Variants in CLIC5 observed in about 807,000 individuals in gnomAD.
CLIC5 encodes CLIC family member 5, also known as chloride intracellular channel protein 5.
A neutral mutation model predicts 24.7 loss-of-function variants in CLIC5; 20 were observed. That is an observed-to-expected ratio of 0.81 (90% CI 0.57 to 1.18). The LOEUF is 1.18. CLIC5 is among the 50% of genes most tolerant of loss of function. The pLI is 0.00. For missense variants in CLIC5, 341 were observed against 326.1 expected (o/e 1.05, Z -0.35); for synonymous variants, 159 against 135.6 (o/e 1.17, Z -1.20).
the CLIC5 span, among the ~76,000 whole-genome samples, chr6:46,126,604 T>G: frequency 6.6e-6 from 1 of 152,218 alleles, no homozygotes; most frequent in African/African-American, 2.4e-5. Context: ...AAAGGAACTT[T>G]CAAAATCACT....
In CLIC5 at chr6:45,944,407, G is replaced by A. The variant is rs533110288; in HGVS notation, c.300-2754C>T. Among the ~76,000 whole-genome samples the A allele has an allele frequency of 5.9e-5, 9 of 152,108 alleles. No homozygotes were observed. The South Asian group carries it at 1.7e-3, about 28-fold the overall frequency. On this transcript the variant is annotated intron_variant, in intron 3 of 5. Transcript: ENST00000339561. Reference sequence around the variant, plus strand: ...AGGGCCCACAAAGCCAAAAATACATGACTATCTGACCTTTTACAGATAAAG... The same window carrying A: ...AGGGCCCACAAAGCCAAAAATACATAACTATCTGACCTTTTACAGATAAAG...
At chr6:45,999,732 GTT>G (rs1201850451) in intron 1 of CLIC5, among the ~76,000 whole-genome samples, 2 of 50,846 alleles carry the variant, frequency 3.9e-5, no homozygotes, top group African/African-American at 1.9e-4. Flanking sequence ...CTTCCTTGTG[GTT>G]TTTTTTTTTT....
intron 4 of CLIC5, chr6:45,932,910 G>A (rs1046224998): frequency 6.6e-5 from 10 of 152,144 alleles, no homozygotes; most frequent in African/African-American, 2.4e-4. Context: ...GAGAGAGGCA[G>A]GATGACAGTC....
At chr6:46,080,171 C>G in exon 1 of CLIC5, 30 of 1,551,678 alleles carry the variant, frequency 1.9e-5, no homozygotes, top group Non-Finnish European at 2.6e-5. Flanking sequence ...TTTCTTCTGG[C>G]TGGTCTGGAA....
intron 1 of CLIC5, among the ~76,000 whole-genome samples, chr6:46,032,381 G>A (rs1286473177): frequency 2.8e-4 from 43 of 152,224 alleles, no homozygotes; most frequent in Non-Finnish European, 7.3e-5. Flanking sequence ...GTGGTGACAC[G>A]AATCCAAACC....
chr6:46,119,878 G>A, the CLIC5 span, among the ~76,000 whole-genome samples: 1 of 152,248 alleles, frequency 6.6e-6, no homozygotes, highest in Non-Finnish European at 1.5e-5. Flanking sequence ...CAGCAGCGAG[G>A]GTGGGGGAGG....
At chr6:45,967,572 A>C (rs1204336) in intron 1 of CLIC5, among the ~76,000 whole-genome samples, 71,581 of 152,082 alleles carry the variant, frequency 0.47, 18,034 homozygotes, top group East Asian at 0.79. Context: ...GGCTGGATTG[A>C]ACAATGCAGG....
intron 1 of CLIC5, among the ~76,000 whole-genome samples, chr6:45,977,654 T>C (rs1433492921): frequency 6.6e-6 from 1 of 152,078 alleles, no homozygotes; most frequent in Non-Finnish European, 1.5e-5. Context: ...CCCTCCCCTC[T>C]AGGCAAACAG....
intron 1 of CLIC5, among the ~76,000 whole-genome samples, chr6:46,057,598 C>T (rs543343775): frequency 2.4e-4 from 36 of 152,334 alleles, no homozygotes; most frequent in Admixed American, 7.2e-4. Context: ...TCCCCATTAC[C>T]TACAAGGTAA....
intron 1 of CLIC5, among the ~76,000 whole-genome samples, chr6:46,035,796 G>GT (rs1220293048): frequency 2.0e-5 from 3 of 151,782 alleles, no homozygotes; most frequent in African/African-American, 4.8e-5. Context: ...CCAGGCTGGA[G>GT]TGCAGTGGTG....
rs540433069 is a variant in CLIC5, at chr6:45,985,591, G to A, written c.63+29889C>T. ...TCACCACTCTGCTTGGGGCCTGGAG[G>A]CTGACAGTGGGAATAGCATCAAGGG... On this transcript the variant is annotated intron_variant, in intron 1 of 5. Coordinates refer to ENST00000339561, the MANE Select transcript of CLIC5 (RefSeq NM_016929.5). Among the ~76,000 whole-genome samples the A allele has an allele frequency of 2.0e-5, 3 of 152,094 alleles. No homozygotes were observed. The East Asian group carries it at 5.8e-4, about 30-fold the overall frequency.
At chr6:45,986,558 G>A (rs1254748057) in intron 1 of CLIC5, among the ~76,000 whole-genome samples, 1 of 152,164 alleles carries the variant, frequency 6.6e-6, no homozygotes, top group Non-Finnish European at 1.5e-5. Flanking sequence ...GGTCAAGAAG[G>A]ACACAGCCAG....
In CLIC5 at chr6:45,949,325, A is replaced by T; in HGVS notation, c.230T>A (p.Phe77Tyr). The change falls in exon 3 of 6, where the codon TTC (phenylalanine) becomes TAC (tyrosine). Residue 77 changes from phenylalanine to tyrosine, a missense_variant. Physicochemically the swap from Phe to Tyr is conservative, Grantham distance 22. Transcript: ENST00000339561. ...APGTHPPFLTFNGDVKTDVNK... is the reference protein window; with the variant it reads ...APGTHPPFLTYNGDVKTDVNK... Reference sequence around the variant, plus strand: ...GACGTCTGTCTTCACGTCCCCGTTGAAGGTCAGGAAGGGCGGGTGCGTGCC... The same window carrying T: ...GACGTCTGTCTTCACGTCCCCGTTGTAGGTCAGGAAGGGCGGGTGCGTGCC... 6.2e-7 allele frequency: 1 copy of T among 1,614,000 alleles called. No homozygotes were observed. The highest frequency in any genetic ancestry group is 8.5e-7 in the Non-Finnish European group (1 of 1,179,910).
the CLIC5 span, among the ~76,000 whole-genome samples, chr6:46,106,882 C>G: frequency 6.6e-6 from 1 of 152,190 alleles, no homozygotes; most frequent in Non-Finnish European, 1.5e-5. Context: ...TACAAAGGTA[C>G]AGTTTGAATC....
the CLIC5 span, among the ~76,000 whole-genome samples, chr6:46,096,008 C>G: frequency 6.6e-6 from 1 of 152,218 alleles, no homozygotes; most frequent in Admixed American, 6.5e-5. Context: ...ACTCACTGCT[C>G]TACAATATAT....
At chr6:45,889,049 G>T (rs942117962) in intron 6 of CLIC5, among the ~76,000 whole-genome samples, 1 of 152,180 alleles carries the variant, frequency 6.6e-6, no homozygotes, top group East Asian at 1.9e-4. Context: ...GGAATGGGAG[G>T]TGATCCCTAT....
At chr6:46,124,216 C>T in the CLIC5 span, among the ~76,000 whole-genome samples, 55 of 152,172 alleles carry the variant, frequency 3.6e-4, no homozygotes, top group South Asian at 8.9e-3. Flanking sequence ...AACAGCATGG[C>T]ACTGGTACCA....
intron 1 of CLIC5, among the ~76,000 whole-genome samples, chr6:46,009,520 C>T (rs1438999247): frequency 1.3e-5 from 2 of 152,132 alleles, no homozygotes; most frequent in Non-Finnish European, 2.9e-5. Context: ...CACTTTGCAT[C>T]TTTACTATCT....
At chr6:45,886,513 C>A (rs1055471398) in intron 6 of CLIC5, among the ~76,000 whole-genome samples, 1 of 152,146 alleles carries the variant, frequency 6.6e-6, no homozygotes, top group East Asian at 1.9e-4. Context: ...ATCACCAGCT[C>A]ACGGGGAGTA....
Sources: gnomAD v4.1 joint callset for allele counts (sites outside exome capture counted in the v4.1 genomes callset) on GRCh38, gnomAD v4.1.1 for gene constraint, MANE v1.5 for transcripts, NCBI Gene and HGNC (gene_info 2026-07-23, HGNC 2026-07-21) for gene names.